Variants in SYPL1 observed in about 807,000 individuals in gnomAD.
The protein encoded by SYPL1 is synaptophysin like 1.
A neutral mutation model predicts 23.7 loss-of-function variants in SYPL1; 6 were observed. That is an observed-to-expected ratio of 0.25 (90% CI 0.14 to 0.50). The LOEUF (loss-of-function observed/expected upper bound fraction) is 0.50, where lower values mean the gene tolerates loss of function less well. Among genes scored for constraint, SYPL1 ranks in the 20% least tolerant of loss-of-function variants. SYPL1 has a pLI of 0.98. For missense variants in SYPL1, 253 were observed against 288.9 expected (o/e 0.88, Z 0.90); for synonymous variants, 102 against 104.5 (o/e 0.98, Z 0.15).
intron 4 of SYPL1, among the ~76,000 whole-genome samples, chr7:106,092,287 C>T (rs1170184237): frequency 1.3e-5 from 2 of 152,110 alleles, no homozygotes; most frequent in Non-Finnish European, 2.9e-5. Context: ...CCCCTCCTAC[C>T]ATCTCTTCTA....
At chr7:106,102,392 G>A (rs1033590069) in intron 1 of SYPL1, among the ~76,000 whole-genome samples, 12 of 152,150 alleles carry the variant, frequency 7.9e-5, no homozygotes, top group Non-Finnish European at 1.5e-4. Context: ...CACAACGCCC[G>A]GCCAAAGATT....
intron 1 of SYPL1, among the ~76,000 whole-genome samples, chr7:106,101,777 T>TAAA (rs368949331): frequency 8.2e-5 from 11 of 133,410 alleles, no homozygotes; most frequent in Middle Eastern, 7.7e-3. Context: ...ACGTTTAAAT[T>TAAA]AAAAAAAAAA....
In SYPL1 at chr7:106,097,429, G is replaced by A. The variant is rs1217902348; in HGVS notation, c.402+261C>T. On this transcript the variant is annotated intron_variant, in intron 3 of 4. Transcript: ENST00000455385. This position sits in a 1 kb window ranked among gnomAD's most constrained non-coding sequence, Gnocchi z 4.6. ...TTTCGACTTAATTTTTTTGCTATTT[G>A]TAACCTGATGTGCTTTATTACATAT... Among the ~76,000 whole-genome samples, 1 of 151,992 alleles carries A rather than the reference G, an allele frequency of 6.6e-6. No homozygotes were observed. The highest frequency in any genetic ancestry group is 1.5e-5 in the Non-Finnish European group (1 of 67,970).
upstream of SYPL1, chr7:106,112,488 T>G (rs2116238741): frequency 1.3e-6 from 2 of 1,521,232 alleles, no homozygotes; most frequent in Non-Finnish European, 1.8e-6. Context: ...CCTGGCCGAG[T>G]CGACTGATCC....
rs1840492841 is a variant in SYPL1, at chr7:106,104,527, G to A, written c.70-5245C>T. Among the ~76,000 whole-genome samples, 1 of 152,126 alleles carries A rather than the reference G, an allele frequency of 6.6e-6. No individual in the cohort carries two copies. Among genetic ancestry groups the A allele is most frequent in the Non-Finnish European group, 1.5e-5 (1 of 68,030 alleles). ...GCCAGACTGTCATGTCTTTGCACCT[G>A]GTTTTGTTTAGGATTTTCAGTGACT... On this transcript the variant is annotated intron_variant, in intron 1 of 4. Transcript: ENST00000455385. This position sits in a 1 kb window ranked among gnomAD's most constrained non-coding sequence, Gnocchi z 4.1.
At position 106,097,668 on chromosome 7, in the gene SYPL1, A is replaced by G. The variant is rs747336677; in HGVS notation, c.402+22T>C. ...GCTTATACAAATTATTTTTGTATTT[A>G]AAAAATAAAGTGATTACTTACTATC... On this transcript the variant is annotated intron_variant, in intron 3 of 4. Transcript: ENST00000455385. The surrounding 1 kb of genome is among the most constrained non-coding windows in gnomAD (Gnocchi z 4.6). The G allele has an allele frequency of 6.4e-7, 1 of 1,559,750 alleles. No individual in the cohort carries two copies. The highest frequency in any genetic ancestry group is 8.7e-7 in the Non-Finnish European group (1 of 1,149,776).
chr7:106,095,349 CT>C lies in SYPL1; in HGVS notation c.403-2213del, dbSNP rs777606094. ...AAATTTTGGGTATCTCAAAAAAAAC[CT>C]TTTTTTTTTTTTCCCCTGAGATGGA... On this transcript the variant is annotated intron_variant, in intron 3 of 4. Transcript: ENST00000455385. The surrounding 1 kb of genome is among the most constrained non-coding windows in gnomAD (Gnocchi z 4.3). 1.3e-3 allele frequency among the ~76,000 whole-genome samples: 182 copies of C among 144,340 alleles called. No individual in the cohort carries two copies. The highest frequency in any genetic ancestry group is 1.5e-3 in the Non-Finnish European group (99 of 65,202). 94.7% of individuals were successfully genotyped at this position (144,340 alleles called of 152,430 possible).
chr7:106,112,446 G>T, upstream of SYPL1: 13 of 1,459,018 alleles, frequency 8.9e-6, no homozygotes, highest in Non-Finnish European at 1.2e-5. Flanking sequence ...GCGGGCCGGG[G>T]CGGAGACCGG....
At chr7:106,111,552 C>A (rs1180530344) in intron 1 of SYPL1, among the ~76,000 whole-genome samples, 1 of 152,270 alleles carries the variant, frequency 6.6e-6, no homozygotes, top group African/African-American at 2.4e-5. Context: ...GTGAACCGAT[C>A]TGACTCGATG....
rs1241837679 is a variant in SYPL1, at chr7:106,090,619, A to C, written c.*1186T>G. Reference sequence around the variant, plus strand: ...AAGGCAACAGCAAGATGTGCTTCACATATAAACAATCATGTTGTAAGAATA... The same window carrying C: ...AAGGCAACAGCAAGATGTGCTTCACCTATAAACAATCATGTTGTAAGAATA... On this transcript the variant is annotated 3_prime_UTR_variant, in exon 5 of 5. Transcript: ENST00000455385. 1 of 152,690 alleles carries C rather than the reference A, an allele frequency of 6.5e-6. No homozygotes were observed. Among genetic ancestry groups the C allele is most frequent in the Non-Finnish European group, 1.5e-5 (1 of 68,044 alleles). The allele number at this position is 152,690 out of a possible 1,614,324, so 9.5% of individuals were successfully genotyped here.
intron 2 of SYPL1, 32 bp downstream of exon 2, chr7:106,099,126 G>A: frequency 6.3e-7 from 1 of 1,586,996 alleles, no homozygotes; most frequent in Non-Finnish European, 8.5e-7. Context: ...AGTAAAAAGA[G>A]TTGTGAAACC....
chr7:106,112,029 G>A, intron 1 of SYPL1, 111 bp downstream of exon 1: 2 of 1,152,526 alleles, frequency 1.7e-6, no homozygotes, highest in Non-Finnish European at 2.1e-6. Flanking sequence ...CGGGGCGGCG[G>A]CCTCAAAGCC....
intron 2 of SYPL1, among the ~76,000 whole-genome samples, chr7:106,098,913 A>G (rs1217303988): frequency 1.3e-5 from 2 of 152,238 alleles, no homozygotes; most frequent in Admixed American, 6.5e-5. Context: ...TCAAGGCAAC[A>G]TCACATTGTT....
At chr7:106,099,072 C>G (rs984588653) in intron 2 of SYPL1, 86 bp downstream of exon 2, 2 of 1,522,708 alleles carry the variant, frequency 1.3e-6, no homozygotes, top group Admixed American at 2.1e-5. Flanking sequence ...TTTCTACCCC[C>G]CACAATCAAT....
At chr7:106,103,586 A>C (rs1199799545) in intron 1 of SYPL1, among the ~76,000 whole-genome samples, 3 of 152,238 alleles carry the variant, frequency 2.0e-5, no homozygotes, top group South Asian at 2.1e-4. Flanking sequence ...AATACACACT[A>C]GATTTTGAAG....
rs1226345856 is a variant in SYPL1, at chr7:106,109,355, G to A, written c.69+2785C>T. On this transcript the variant is annotated intron_variant, in intron 1 of 4. Coordinates refer to ENST00000455385, the MANE Select transcript of SYPL1 (RefSeq NM_182715.4). The surrounding 1 kb of genome is among the most constrained non-coding windows in gnomAD (Gnocchi z 4.3). Reference sequence around the variant, plus strand: ...TCAGCCTACTAAAATCTGGCTTTTTGATTTTACTGAAACTGCTCTTGCTAA... The same window carrying A: ...TCAGCCTACTAAAATCTGGCTTTTTAATTTTACTGAAACTGCTCTTGCTAA... Among the ~76,000 whole-genome samples the A allele has an allele frequency of 6.6e-6, 1 of 152,096 alleles. No homozygotes were observed. Among genetic ancestry groups the A allele is most frequent in the Non-Finnish European group, 1.5e-5 (1 of 68,010 alleles).
intron 1 of SYPL1, among the ~76,000 whole-genome samples, chr7:106,101,915 TGTG>T (rs1840345981): frequency 6.6e-6 from 1 of 151,484 alleles, no homozygotes; most frequent in South Asian, 2.1e-4. Context: ...AGGAAAGGAA[TGTG>T]GTGGTTTTAA....
In SYPL1 at chr7:106,097,795, G is replaced by C; in HGVS notation, c.297C>G (p.Phe99Leu). ...LIGDYSSSAQ[F>L]YVTFAVFVFL... ...ACACAAAGACTGCAAAGGTAACATA[G>C]AATTGTGCAGAAGAAGAGTAATCGC... Residue 99 changes from phenylalanine (F) to leucine (L), a missense_variant, in exon 3 of 5, where the codon TTC becomes TTG. Physicochemically the swap from Phe to Leu is conservative, Grantham distance 22. Transcript: ENST00000455385. This position sits in a 1 kb window ranked among gnomAD's most constrained non-coding sequence, Gnocchi z 4.6. The C allele has an allele frequency of 6.2e-7, 1 of 1,614,058 alleles. No homozygotes were observed. The highest frequency in any genetic ancestry group is 8.5e-7 in the Non-Finnish European group (1 of 1,179,956).
chr7:106,092,780 T>C (rs1585933597), intron 4 of SYPL1, 169 bp downstream of exon 4: 1 of 633,196 alleles, frequency 1.6e-6, no homozygotes, highest in Non-Finnish European at 2.6e-6. Context: ...AGGTAATACT[T>C]TTTTTAGACA....
Sources: gnomAD v4.1 joint callset for allele counts (sites outside exome capture counted in the v4.1 genomes callset) on GRCh38, gnomAD v4.1.1 for gene constraint, Gnocchi (gnomAD v3.1) non-coding constraint, MANE v1.5 for transcripts, NCBI Gene and HGNC (gene_info 2026-07-23, HGNC 2026-07-21) for gene names.